Variants in CHD3 observed in about 807,000 individuals in gnomAD.
CHD3 encodes the protein ATP-dependent chromatin remodeler CHD3.
Under a neutral mutation model 248.9 loss-of-function variants are expected in CHD3, and 52 were observed. The observed-to-expected ratio is 0.21, with a 90% CI of 0.17 to 0.26. CHD3 has a LOEUF of 0.26. Among genes scored for constraint, CHD3 ranks in the 10% least tolerant of loss-of-function variants. CHD3 has a pLI of 1.00. For missense variants in CHD3, 1,482 were observed against 2,605.8 expected, an observed-to-expected ratio of 0.57 and a Z score of 9.39; for synonymous variants, 985 against 985.2, an observed-to-expected ratio of 1.00 and a Z score of 0.00.
chr17:7,885,089 C>CG (rs1967570441), upstream of CHD3: 1 of 984,180 alleles, frequency 1.0e-6, no homozygotes, highest in African/African-American at 1.8e-5. Flanking sequence ...GCCAGGTAAG[C>CG]GCCCGCCCCG....
Position 7,911,254 on chromosome 17 carries a change from A to G in CHD3, c.5882-210A>G, listed in dbSNP as rs1971620014. 6.6e-6 allele frequency among the ~76,000 whole-genome samples: 1 copy of G among 152,114 alleles called. No homozygotes were observed. The highest frequency in any genetic ancestry group is 2.4e-5 in the African/African-American group (1 of 41,416). Reference sequence around the variant, plus strand: ...TCCTTCAAGGGAAAGTGAATATGAAACCCGAGGGGTTAGAGAGTGGGAACA... The same window carrying G: ...TCCTTCAAGGGAAAGTGAATATGAAGCCCGAGGGGTTAGAGAGTGGGAACA... On this transcript the variant is annotated intron_variant, in intron 39 of 39. Coordinates refer to ENST00000330494, the MANE Select transcript of CHD3 (RefSeq NM_001005273.3). This position sits in a 1 kb window ranked among gnomAD's most constrained non-coding sequence, Gnocchi z 5.4.
chr17:7,902,771 G>A (rs2151598041), intron 21 of CHD3, 44 bp downstream of exon 21: 1 of 1,598,618 alleles, frequency 6.3e-7, no homozygotes. Context: ...GGAGGCCTGA[G>A]AAACCTGTGA....
rs536891389 is a variant in CHD3, at chr17:7,912,452, G to C, written c.*867G>C. 1 of 151,950 alleles carries C rather than the reference G, an allele frequency of 6.6e-6. No individual in the cohort carries two copies. Among genetic ancestry groups the C allele is most frequent in the African/African-American group, 2.4e-5 (1 of 41,132 alleles). The allele number at this position is 151,950 out of a possible 1,614,324, so 9.4% of individuals were successfully genotyped here. On this transcript the variant is annotated 3_prime_UTR_variant, in exon 40 of 40. Coordinates refer to ENST00000330494, the MANE Select transcript of CHD3 (RefSeq NM_001005273.3). ...TACTACCCTCCCTCCTCAAGGCCTG[G>C]ATACAGACTAAATTTGTATAAGTCA...
At position 7,895,314 on chromosome 17, in the gene CHD3, C is replaced by T. The variant is rs761312778; in HGVS notation, c.1504-25C>T. ...GTTCTTTCTGCCTCTTTCTTTCCTC[C>T]TCCTTGTACGTGTCCATCCCAAAGT... On this transcript the variant is annotated intron_variant, in intron 9 of 39. Coordinates refer to ENST00000330494, the MANE Select transcript of CHD3 (RefSeq NM_001005273.3). This position sits in a 1 kb window ranked among gnomAD's most constrained non-coding sequence, Gnocchi z 4.9. 2 of 1,612,002 alleles carry T rather than the reference C, an allele frequency of 1.2e-6. No individual in the cohort carries two copies. The highest frequency in any genetic ancestry group is 2.2e-5 in the East Asian group (1 of 44,852).
chr17:7,886,768 A>G (rs540173673), upstream of CHD3, among the ~76,000 whole-genome samples: 1 of 152,164 alleles, frequency 6.6e-6, no homozygotes, highest in African/African-American at 2.4e-5. The surrounding 1 kb of genome is among the most constrained non-coding windows in gnomAD (Gnocchi z 4.2). Context: ...AGGTCCTGCC[A>G]GGGGCTTGGC....
intron 20 of CHD3, 97 bp downstream of exon 20, chr17:7,901,472 G>T: frequency 1.9e-6 from 2 of 1,041,478 alleles, no homozygotes; most frequent in Admixed American, 2.8e-5. Flanking sequence ...GGCTGCTCTG[G>T]TGTGACAAAT....
chr17:7,895,495 T>A lies in CHD3; in HGVS notation c.1660T>A (p.Trp554Arg). 6.2e-7 allele frequency: 1 copy of A among 1,614,100 alleles called. No individual in the cohort carries two copies. Among genetic ancestry groups the A allele is most frequent in the Non-Finnish European group, 8.5e-7 (1 of 1,180,010 alleles). The part of the protein sequence containing the change: ...GRSEREFFVK[W>R]VGLSYWHCSW... ...ATCAGAGCGAGAGTTCTTTGTCAAGTGGGTAGGACTATCCTACTGGCACTG... is the reference window on the plus strand; with the variant it reads ...ATCAGAGCGAGAGTTCTTTGTCAAGAGGGTAGGACTATCCTACTGGCACTG... The change falls in exon 10 of 40, where the codon TGG (tryptophan) becomes AGG (arginine). Residue 554 changes from tryptophan to arginine, a missense_variant. Transcript: ENST00000330494. The surrounding 1 kb of genome is among the most constrained non-coding windows in gnomAD (Gnocchi z 4.9).
upstream of CHD3, among the ~76,000 whole-genome samples, chr17:7,887,925 C>T (rs899521764): frequency 2.6e-5 from 4 of 152,222 alleles, no homozygotes; most frequent in African/African-American, 4.8e-5. Context: ...CCGACGCCTG[C>T]CCAAGTTCGG....
At position 7,904,736 on chromosome 17, in the gene CHD3, C is replaced by A; in HGVS notation, c.4072+117C>A. 1.0e-6 allele frequency: 1 copy of A among 990,086 alleles called. No individual in the cohort carries two copies. Among genetic ancestry groups the A allele is most frequent in the Non-Finnish European group, 1.5e-6 (1 of 680,118 alleles). The allele number at this position is 990,086 out of a possible 1,614,324, so 61.3% of individuals were successfully genotyped here. The stretch of plus-strand genomic sequence containing the variant: ...GCCTAGAAGTCAGAGCCTTCCTCTG[C>A]TAAAAGGGAAAGACATAAGGTAGAG... On this transcript the variant is annotated intron_variant, in intron 25 of 39. Coordinates refer to ENST00000330494, the MANE Select transcript of CHD3 (RefSeq NM_001005273.3). This position sits in a 1 kb window ranked among gnomAD's most constrained non-coding sequence, Gnocchi z 4.4.
Position 7,903,612 on chromosome 17 carries a change from A to G in CHD3, c.3727+109A>G, listed in dbSNP as rs527533831. The stretch of plus-strand genomic sequence containing the variant: ...ACTCTTCTCTGCAGCCTTTGAAGGA[A>G]GGAGAGCCTTCTTTTAGTAGCCCTT... On this transcript the variant is annotated intron_variant, in intron 23 of 39. Coordinates refer to ENST00000330494, the MANE Select transcript of CHD3 (RefSeq NM_001005273.3). The surrounding 1 kb of genome is among the most constrained non-coding windows in gnomAD (Gnocchi z 6.8). 61 of 1,076,676 alleles carry G rather than the reference A, an allele frequency of 5.7e-5. No homozygotes were observed. The highest frequency in any genetic ancestry group is 7.8e-5 in the Non-Finnish European group (58 of 747,556). 66.7% of individuals were successfully genotyped at this position (1,076,676 alleles called of 1,614,324 possible). A position where few individuals can be genotyped will look rare whatever the true frequency, so the allele number is the denominator to read the frequency against.
At chr17:7,891,815 C>G (rs1030323301) in intron 4 of CHD3, among the ~76,000 whole-genome samples, 2 of 149,088 alleles carry the variant, frequency 1.3e-5, no homozygotes, top group Non-Finnish European at 3.0e-5. Context: ...GAGCCGAGAT[C>G]ACACCACTGC....
rs116087083 is a variant in CHD3, at chr17:7,890,654, G to A, written c.297G>A (p.Pro99=). 2.8e-4 allele frequency: 452 copies of A among 1,609,710 alleles called. 2 individuals carry two copies. In the African/African-American group the frequency reaches 4.7e-3, roughly 17 times the overall value. The change falls in exon 3 of 40, where the codon CCG becomes CCA. Residue 99 remains proline (P), a synonymous_variant. Transcript: ENST00000330494. Reference sequence around the variant, plus strand: ...GGGGCAGTGAATATGGAACCGGACCGGGTCGGAAACGAAGAAGGAAGCACC... The same window carrying A: ...GGGGCAGTGAATATGGAACCGGACCAGGTCGGAAACGAAGAAGGAAGCACC... ...ESGGSEYGTG[P]GRKRRRKHRE...
Position 7,889,151 on chromosome 17 carries a change from G to A in CHD3, c.100+51G>A, listed in dbSNP as rs758060668. The A allele has an allele frequency of 6.2e-6, 10 of 1,611,814 alleles. No homozygotes were observed. In the South Asian group the frequency reaches 9.9e-5, roughly 16 times the overall value. On this transcript the variant is annotated intron_variant, in intron 1 of 39. Transcript: ENST00000330494. The surrounding 1 kb of genome is among the most constrained non-coding windows in gnomAD (Gnocchi z 4.5). ...GAGGCCTCCCTCTTGGCAAAAGGAT[G>A]TCAGGGCCCCAGGGTGTTAGTGTGA...
chr17:7,893,974 C>T (rs527979074), intron 6 of CHD3, 39 bp downstream of exon 6: 1 of 1,573,504 alleles, frequency 6.4e-7, no homozygotes, highest in African/African-American at 1.7e-5. Context: ...ACCTGGGGGC[C>T]AAGGATCCAG....
intron 2 of CHD3, among the ~76,000 whole-genome samples, chr17:7,890,201 C>T (rs913154822): frequency 3.9e-5 from 6 of 152,060 alleles, no homozygotes; most frequent in Non-Finnish European, 7.4e-5. Flanking sequence ...GAGGCTGAGC[C>T]GGGTAGATCA....
At position 7,902,696 on chromosome 17, in the gene CHD3, C is replaced by T. The variant is rs1020667203; in HGVS notation, c.3339C>T (p.Ala1113=). 7 of 1,613,788 alleles carry T rather than the reference C, an allele frequency of 4.3e-6. No individual in the cohort carries two copies. Among genetic ancestry groups the T allele is most frequent in the African/African-American group, 2.7e-5 (2 of 74,842 alleles). Reference sequence around the variant, plus strand: ...GCATCGATGGTGGTATCACGGGTGCCCTGAGGCAGGAGGCCATCGATCGGT... The same window carrying T: ...GCATCGATGGTGGTATCACGGGTGCTCTGAGGCAGGAGGCCATCGATCGGT... The part of the protein sequence containing the change: ...YERIDGGITG[A]LRQEAIDRFN... The change falls in exon 21 of 40, where the codon GCC becomes GCT. Residue 1113 remains alanine, a synonymous_variant. Transcript: ENST00000330494.
rs745416944 is a variant in CHD3 at position 7,907,269 on chromosome 17, C to G, written c.4788+22C>G. On this transcript the variant is annotated intron_variant, in intron 31 of 39. Coordinates refer to ENST00000330494, the MANE Select transcript of CHD3 (RefSeq NM_001005273.3). The surrounding 1 kb of genome is among the most constrained non-coding windows in gnomAD (Gnocchi z 4.3). ...AGAGGTGTGTGGCTCCCTGGATTCC[C>G]CTGTGGAGCGGGAGGGGAGGGGGCT... The G allele has an allele frequency of 1.1e-5, 17 of 1,613,986 alleles. No individual in the cohort carries two copies. The Admixed American group carries it at 2.3e-4, about 22-fold the overall frequency.
At chr17:7,885,456 G>T (rs1213483946), upstream of CHD3, among the ~76,000 whole-genome samples, 2 of 151,538 alleles carry the variant, frequency 1.3e-5, no homozygotes, top group African/African-American at 2.4e-5. Context: ...CGGCGGGGAG[G>T]GGGTAGGCAG....
At chr17:7,902,883 G>A in intron 21 of CHD3, 54 bp from the exon 22 acceptor site, 1 of 1,603,500 alleles carries the variant, frequency 6.2e-7, no homozygotes, top group Non-Finnish European at 8.5e-7. Context: ...TCTAGGAGCA[G>A]GTGGACAGAA....
Sources: allele counts gnomAD v4.1 joint callset (sites outside exome capture counted in the v4.1 genomes callset), GRCh38; gene constraint gnomAD v4.1.1; non-coding constraint Gnocchi (gnomAD v3.1); transcripts MANE v1.5; gene names NCBI Gene and HGNC (gene_info 2026-07-23, HGNC 2026-07-21).